The following EYS variants were observed in gnomAD, a reference collection of about 807,000 sequenced individuals.
EYS encodes protein eyes shut homolog.
In EYS, 250 loss-of-function variants were observed where a neutral mutation model predicts 282.1. The ratio of observed to expected loss-of-function variants is 0.89; its 90% CI spans 0.80 to 0.98. The LOEUF (loss-of-function observed/expected upper bound fraction) is 0.98. Among genes scored for constraint, EYS ranks in the 50% least tolerant of loss-of-function variants. The pLI is 0.00. For synonymous variants in EYS, 1,355 were observed against 1,282.9 expected (o/e 1.06, Z -1.20); for missense variants, 4,016 against 3,709.0 (o/e 1.08, Z -2.15).
intron 5 of EYS, among the ~76,000 whole-genome samples, chr6:65,453,364 C>T (rs1764476982): frequency 6.6e-6 from 1 of 151,794 alleles, no homozygotes; most frequent in Admixed American, 6.6e-5. Flanking sequence ...TTTTAAAACT[C>T]AAATTTATTT....
intron 29 of EYS, among the ~76,000 whole-genome samples, chr6:64,361,347 ATGAT>A (rs1202780456): frequency 6.6e-6 from 1 of 151,718 alleles, no homozygotes; most frequent in African/African-American, 2.4e-5. Flanking sequence ...GCAGAGCGAT[ATGAT>A]AACTACTAAA....
chr6:65,309,527 T>C (rs1236491279), intron 11 of EYS, among the ~76,000 whole-genome samples: 1 of 152,200 alleles, frequency 6.6e-6, no homozygotes, highest in Non-Finnish European at 1.5e-5. Flanking sequence ...TCACCAAGTC[T>C]CTGTCACTGA....
In EYS at chr6:65,145,843, T is replaced by C. The variant is rs73439472; in HGVS notation, c.2024-88116A>G. On this transcript the variant is annotated intron_variant, in intron 12 of 42. Transcript: ENST00000503581. ...ATTTCAGAAGAATATTAGTGATTTA[T>C]AATCAACAGAATTGGAATATATCCA... Among the ~76,000 whole-genome samples, 813 of 152,138 alleles carry C rather than the reference T, an allele frequency of 5.3e-3. 6 individuals are homozygous for C. The highest frequency in any genetic ancestry group is 0.018 in the African/African-American group (761 of 41,564).
At chr6:65,068,055 T>A (rs544240978) in intron 12 of EYS, among the ~76,000 whole-genome samples, 1 of 152,208 alleles carries the variant, frequency 6.6e-6, no homozygotes, top group African/African-American at 2.4e-5. Context: ...CTAATGACAA[T>A]TTTTGACGTT....
chr6:65,696,166 C>T (rs781558878), intron 1 of EYS, among the ~76,000 whole-genome samples: 3 of 152,036 alleles, frequency 2.0e-5, no homozygotes, highest in South Asian at 4.1e-4. Context: ...TTCTTCAAAA[C>T]GACTGATCTT....
Position 64,922,485 on chromosome 6 carries a change from C to T in EYS, c.2382-9742G>A, listed in dbSNP as rs529713576. ...TATTTTACCAAGCATATTAAAATTA[C>T]AGCTAGATAATTTTAAGACAAGTAT... On this transcript the variant is annotated intron_variant, in intron 15 of 42. Transcript: ENST00000503581. Among the ~76,000 whole-genome samples the T allele has an allele frequency of 1.1e-4, 17 of 152,226 alleles. No homozygotes were observed. The South Asian group carries it at 3.3e-3, about 30-fold the overall frequency.
In EYS at chr6:65,057,538, T is replaced by C. The variant is rs1000304229; in HGVS notation, c.2137+76A>G. 1.9e-5 allele frequency: 17 copies of C among 878,284 alleles called. No individual in the cohort carries two copies. The African/African-American group carries it at 2.2e-4, about 11-fold the overall frequency. 54.4% of individuals were successfully genotyped at this position (878,284 alleles called of 1,614,324 possible). ...TAATAATGTTGTTGGAAGACTGAAA[T>C]GAGTTCAGACAAGAGACAGAAGTGC... On this transcript the variant is annotated intron_variant, in intron 13 of 42. Coordinates refer to ENST00000503581, the MANE Select transcript of EYS (RefSeq NM_001142800.2).
At chr6:63,982,777 A>G (rs1767161563) in intron 35 of EYS, among the ~76,000 whole-genome samples, 1 of 151,734 alleles carries the variant, frequency 6.6e-6, no homozygotes, top group Non-Finnish European at 1.5e-5. Context: ...TTGCAGGGCC[A>G]TAGTAGGGTA....
intron 22 of EYS, among the ~76,000 whole-genome samples, chr6:64,714,751 C>T (rs1319607758): frequency 2.6e-5 from 4 of 152,054 alleles, no homozygotes; most frequent in Non-Finnish European, 5.9e-5. Context: ...TGGTCTCAAT[C>T]TCCTGACCTC....
chr6:64,682,276 GAGAATGGCGTGA>G (rs1769929184), intron 22 of EYS, among the ~76,000 whole-genome samples: 1 of 152,178 alleles, frequency 6.6e-6, no homozygotes, highest in Non-Finnish European at 1.5e-5. Context: ...GCTGAGGTGG[GAGAATGGCGTGA>G]ACCTGGGAGG....
At chr6:65,284,259 T>A (rs1341978786) in intron 12 of EYS, among the ~76,000 whole-genome samples, 1 of 152,086 alleles carries the variant, frequency 6.6e-6, no homozygotes, top group Admixed American at 6.6e-5. Flanking sequence ...CTGGCCAAAT[T>A]TTGTGCTTTT....
At chr6:64,336,679 T>G (rs1191859338) in intron 29 of EYS, among the ~76,000 whole-genome samples, 1 of 152,048 alleles carries the variant, frequency 6.6e-6, no homozygotes, top group Admixed American at 6.6e-5. Flanking sequence ...ACACATTCTA[T>G]TCAACAGCGC....
chr6:64,350,857 T>G (rs76698813), intron 29 of EYS, among the ~76,000 whole-genome samples: 305 of 151,620 alleles, frequency 2.0e-3, no homozygotes, highest in African/African-American at 7.0e-3. Flanking sequence ...AGGTGATTAG[T>G]TCATGGGGCC....
At chr6:64,751,694 T>A (rs568821926) in intron 22 of EYS, among the ~76,000 whole-genome samples, 1 of 152,316 alleles carries the variant, frequency 6.6e-6, no homozygotes, top group East Asian at 1.9e-4. Context: ...CACCTATTTG[T>A]CTGGAGGTGG....
chr6:64,524,149 T>C (rs1777844478), intron 26 of EYS, among the ~76,000 whole-genome samples: 1 of 151,748 alleles, frequency 6.6e-6, no homozygotes, highest in African/African-American at 2.4e-5. Context: ...AATTTGTAGA[T>C]AAGAAATACA....
intron 22 of EYS, among the ~76,000 whole-genome samples, chr6:64,795,139 G>A (rs1300441907): frequency 6.6e-6 from 1 of 151,876 alleles, no homozygotes; most frequent in East Asian, 1.9e-4. Flanking sequence ...TAAGGCTGAG[G>A]CAGAAGAATC....
intron 30 of EYS, among the ~76,000 whole-genome samples, chr6:64,298,813 T>C (rs9351216): frequency 0.69 from 104,273 of 151,900 alleles, 35,824 homozygotes; most frequent in South Asian, 0.71. Context: ...AAATATTAAA[T>C]AGATTAAAAC....
chr6:64,049,069 A>G (rs1210957512), intron 33 of EYS, among the ~76,000 whole-genome samples: 1 of 152,186 alleles, frequency 6.6e-6, no homozygotes, highest in Admixed American at 6.6e-5. Flanking sequence ...GGCACTTACA[A>G]TCAGTACTTC....
chr6:65,414,467 C>T (rs1484133442), intron 5 of EYS, among the ~76,000 whole-genome samples: 1 of 151,918 alleles, frequency 6.6e-6, no homozygotes, highest in African/African-American at 2.4e-5. Flanking sequence ...GATTAGGATG[C>T]TAGTGAAGAA....
Sources: gnomAD v4.1 joint callset for allele counts (sites outside exome capture counted in the v4.1 genomes callset) on GRCh38, gnomAD v4.1.1 for gene constraint, MANE v1.5 for transcripts, NCBI Gene and HGNC (gene_info 2026-07-23, HGNC 2026-07-21) for gene names.